Variants in FGF14 observed in about 807,000 individuals in gnomAD.
The protein encoded by FGF14 is fibroblast growth factor 14.
FGF14 carries 5 observed loss-of-function variants against 25.5 expected under a neutral mutation model. The ratio of observed to expected loss-of-function variants is 0.20; its 90% CI spans 0.10 to 0.41. FGF14 has a LOEUF of 0.41. Ranked by LOEUF, FGF14 falls within the 10% of genes least tolerant of loss-of-function variation. The pLI is 1.00. For synonymous variants in FGF14, 138 were observed against 118.3 expected, an observed-to-expected ratio of 1.17 and a Z score of -1.08; for missense variants, 222 against 320.1, an observed-to-expected ratio of 0.69 and a Z score of 2.34.
intron 1 of FGF14, among the ~76,000 whole-genome samples, chr13:102,348,977 A>C (rs2057194292): frequency 6.6e-6 from 1 of 152,118 alleles, no homozygotes; most frequent in Non-Finnish European, 1.5e-5. Flanking sequence ...TATCTAGACC[A>C]CTGGTTCTCC....
chr13:102,113,401 CA>C (rs748567470), intron 1 of FGF14, among the ~76,000 whole-genome samples: 69 of 152,332 alleles, frequency 4.5e-4, no homozygotes, highest in Non-Finnish European at 7.6e-4. Context: ...AACCATGCAG[CA>C]ATCCCAGAAG....
At chr13:102,205,372 T>C (rs1202346354) in intron 1 of FGF14, among the ~76,000 whole-genome samples, 1 of 152,054 alleles carries the variant, frequency 6.6e-6, no homozygotes, top group Non-Finnish European at 1.5e-5. Context: ...AAAAACCCAA[T>C]GGTAATTATT....
intron 1 of FGF14, among the ~76,000 whole-genome samples, chr13:102,383,883 G>T (rs988785623): frequency 6.6e-6 from 1 of 151,878 alleles, no homozygotes; most frequent in East Asian, 1.9e-4. Flanking sequence ...ATCTGAAATG[G>T]GGTATCACAC....
intron 1 of FGF14, among the ~76,000 whole-genome samples, chr13:102,277,012 G>A (rs936594397): frequency 3.9e-5 from 6 of 152,154 alleles, no homozygotes; most frequent in African/African-American, 1.4e-4. Context: ...GATGATGGAA[G>A]GATTAATATG....
chr13:102,069,141 G>A (rs547879058), intron 1 of FGF14, among the ~76,000 whole-genome samples: 3 of 151,646 alleles, frequency 2.0e-5, no homozygotes, highest in South Asian at 2.1e-4. Context: ...CTCAAGGTTC[G>A]TAAACACACC....
intron 1 of FGF14, among the ~76,000 whole-genome samples, chr13:102,171,269 A>G (rs553402741): frequency 6.6e-6 from 1 of 152,288 alleles, no homozygotes; most frequent in Admixed American, 6.5e-5. Context: ...GCTGTGAGAA[A>G]GACACTTACA....
chr13:102,207,283 A>AAAAT (rs1241613161), intron 1 of FGF14, among the ~76,000 whole-genome samples: 3 of 151,960 alleles, frequency 2.0e-5, no homozygotes, highest in African/African-American at 4.8e-5. Context: ...CCATCTCGAA[A>AAAAT]AAATAAATAA....
intron 1 of FGF14, among the ~76,000 whole-genome samples, chr13:102,235,153 A>G (rs2051272413): frequency 1.3e-5 from 2 of 152,222 alleles, no homozygotes; most frequent in African/African-American, 2.4e-5. Context: ...AAAAAACACA[A>G]AATCATTTGG....
chr13:102,060,897 G>A (rs1045909180), intron 1 of FGF14, among the ~76,000 whole-genome samples: 41 of 152,100 alleles, frequency 2.7e-4, no homozygotes, highest in Non-Finnish European at 1.6e-4. Context: ...TATTGGGCAC[G>A]CACACAAGTA....
chr13:101,996,195 G>A (rs2039175045), intron 1 of FGF14, among the ~76,000 whole-genome samples: 1 of 152,076 alleles, frequency 6.6e-6, no homozygotes, highest in Non-Finnish European at 1.5e-5. Flanking sequence ...ACAAGAAAGG[G>A]AAAGCTTTTT....
intron 1 of FGF14, among the ~76,000 whole-genome samples, chr13:102,114,089 A>G (rs1001049668): frequency 6.6e-6 from 1 of 152,218 alleles, no homozygotes; most frequent in East Asian, 1.9e-4. Context: ...CAAGGGAAGG[A>G]GAGTGGTGCA....
intron 1 of FGF14, among the ~76,000 whole-genome samples, chr13:102,381,291 C>T (rs957588017): frequency 3.9e-5 from 6 of 152,138 alleles, no homozygotes; most frequent in Admixed American, 1.3e-4. Flanking sequence ...TAAATGTCTG[C>T]GTTCCCCCAA....
intron 1 of FGF14, among the ~76,000 whole-genome samples, chr13:102,023,947 C>T (rs1191124163): frequency 6.6e-6 from 1 of 151,896 alleles, no homozygotes; most frequent in African/African-American, 2.4e-5. Context: ...GGTCCCACAC[C>T]AAGATATTTT....
intron 1 of FGF14, among the ~76,000 whole-genome samples, chr13:102,232,119 A>G (rs2051112398): frequency 6.6e-6 from 1 of 152,234 alleles, no homozygotes; most frequent in Non-Finnish European, 1.5e-5. Context: ...AATTAAATAA[A>G]TGAATCCCTC....
chr13:102,036,109 A>C (rs2041460597), intron 1 of FGF14, among the ~76,000 whole-genome samples: 1 of 152,148 alleles, frequency 6.6e-6, no homozygotes, highest in Admixed American at 6.6e-5. Context: ...TATTTCAGAC[A>C]CAGGAAATGT....
At chr13:102,322,017 T>C (rs2056262366) in intron 1 of FGF14, among the ~76,000 whole-genome samples, 1 of 152,106 alleles carries the variant, frequency 6.6e-6, no homozygotes, top group Non-Finnish European at 1.5e-5. Flanking sequence ...AAGGGTGAGA[T>C]TGGAGAGAGG....
At chr13:102,202,026 T>A (rs891727671) in intron 1 of FGF14, among the ~76,000 whole-genome samples, 4 of 152,072 alleles carry the variant, frequency 2.6e-5, no homozygotes, top group Non-Finnish European at 4.4e-5. Flanking sequence ...TCTGGTTGTT[T>A]AAAAGTGTGT....
At chr13:102,371,198 T>G (rs560028471) in intron 1 of FGF14, among the ~76,000 whole-genome samples, 9 of 152,250 alleles carry the variant, frequency 5.9e-5, no homozygotes, top group Admixed American at 2.0e-4. Context: ...AAAACAAAAT[T>G]TATAACCTGA....
Position 101,715,715 on chromosome 13 carries a change from G to A in FGF14, c.*7116C>T, listed in dbSNP as rs1427490901. The A allele has an allele frequency of 5.7e-6, 6 of 1,057,600 alleles. No individual in the cohort carries two copies. The highest frequency in any genetic ancestry group is 1.3e-5 in the South Asian group (1 of 79,384). 65.5% of individuals were successfully genotyped at this position (1,057,600 alleles called of 1,614,324 possible). ...CTGGGCCATTAGAACAGATAAATGC[G>A]AAGGAAACCATGTATATTCACCACT... On this transcript the variant is annotated 3_prime_UTR_variant, in exon 5 of 5. Transcript: ENST00000376143.
Sources: gnomAD v4.1 joint callset for allele counts (sites outside exome capture counted in the v4.1 genomes callset) on GRCh38, gnomAD v4.1.1 for gene constraint, MANE v1.5 for transcripts, NCBI Gene and HGNC (gene_info 2026-07-23, HGNC 2026-07-21) for gene names.